TLN2: variants seen among roughly 807,000 people sequenced by gnomAD.
TLN2 encodes the protein talin 2.
Under a neutral mutation model 294.7 loss-of-function variants are expected in TLN2, and 118 were observed. The ratio of observed to expected loss-of-function variants is 0.40; its 90% CI spans 0.34 to 0.47. The LOEUF (loss-of-function observed/expected upper bound fraction) is 0.47. TLN2 is among the 20% of genes least tolerant of loss of function. The pLI, the probability that TLN2 is intolerant of heterozygous loss-of-function variation, is 0.84. For missense variants in TLN2, 3,083 were observed against 3,282.2 expected (o/e 0.94, Z 1.48); for synonymous variants, 1,431 against 1,304.5 (o/e 1.10, Z -2.09).
chr15:62,510,051 A>G (rs1477295231), intron 1 of TLN2, among the ~76,000 whole-genome samples: 1 of 152,228 alleles, frequency 6.6e-6, no homozygotes, highest in Non-Finnish European at 1.5e-5. Context: ...GACAATTGGG[A>G]TCTTCCCAGT....
intron 1 of TLN2, among the ~76,000 whole-genome samples, chr15:62,572,300 G>A (rs1183811088): frequency 6.6e-6 from 1 of 152,012 alleles, no homozygotes; most frequent in South Asian, 2.1e-4. Flanking sequence ...GAGTGCAGTG[G>A]CACAATCATG....
intron 37 of TLN2, among the ~76,000 whole-genome samples, chr15:62,757,289 C>A (rs927501901): frequency 6.6e-6 from 1 of 152,188 alleles, no homozygotes; most frequent in African/African-American, 2.4e-5. Context: ...GAGACGAAGT[C>A]ATCTCTCCAG....
intron 1 of TLN2, among the ~76,000 whole-genome samples, chr15:62,449,880 T>C (rs919696837): frequency 1.3e-5 from 2 of 152,208 alleles, no homozygotes; most frequent in African/African-American, 4.8e-5. Context: ...GAAAAGTGCA[T>C]GGTTCCATGA....
chr15:62,477,918 G>T, intron 1 of TLN2, among the ~76,000 whole-genome samples: 1 of 148,458 alleles, frequency 6.7e-6, no homozygotes, highest in Non-Finnish European at 1.5e-5. Flanking sequence ...GGGTGCAGCG[G>T]GGGCAGAGGG....
chr15:62,790,442 C>A (rs2064999623), intron 45 of TLN2, among the ~76,000 whole-genome samples: 1 of 152,218 alleles, frequency 6.6e-6, no homozygotes, highest in African/African-American at 2.4e-5. Context: ...TGGATTCTCA[C>A]CTAGTTTTGC....
At chr15:62,767,373 C>T (rs2063075775) in intron 41 of TLN2, among the ~76,000 whole-genome samples, 1 of 150,370 alleles carries the variant, frequency 6.7e-6, no homozygotes. Context: ...CAGAGCTTTG[C>T]TCTTGTTGCC....
intron 1 of TLN2, among the ~76,000 whole-genome samples, chr15:62,452,616 C>A (rs569271667): frequency 5.3e-5 from 8 of 152,246 alleles, no homozygotes; most frequent in African/African-American, 1.9e-4. Flanking sequence ...TCCCTCCAGC[C>A]CTTGGCAACC....
intron 1 of TLN2, among the ~76,000 whole-genome samples, chr15:62,504,842 TGTGTGAGAGA>T (rs926741793): frequency 4.9e-5 from 7 of 143,460 alleles, no homozygotes; most frequent in African/African-American, 1.1e-4. Context: ...TGTGTGTGTG[TGTGTGAGAGA>T]GAGAGAGAGA....
chr15:62,444,483 C>T (rs1227927994), intron 1 of TLN2, among the ~76,000 whole-genome samples: 7 of 152,244 alleles, frequency 4.6e-5, no homozygotes, highest in African/African-American at 1.7e-4. Flanking sequence ...ATAATGTAGA[C>T]TTTGAAGATT....
chr15:62,471,250 G>A (rs1254038403), intron 1 of TLN2, among the ~76,000 whole-genome samples: 1 of 152,118 alleles, frequency 6.6e-6, no homozygotes, highest in Non-Finnish European at 1.5e-5. Flanking sequence ...GAGGTGGGAG[G>A]ATCACTTGAG....
intron 2 of TLN2, among the ~76,000 whole-genome samples, chr15:62,605,018 A>C (rs961147858): frequency 2.6e-5 from 4 of 152,132 alleles, no homozygotes; most frequent in Non-Finnish European, 5.9e-5. Flanking sequence ...CTAACTGTTG[A>C]AAAAACAGTA....
intron 2 of TLN2, among the ~76,000 whole-genome samples, chr15:62,598,736 A>C (rs1471648858): frequency 6.6e-6 from 1 of 151,768 alleles, no homozygotes. Context: ...AGAGAAATGG[A>C]ATTTTCTCTC....
chr15:62,543,125 G>T (rs1426690123), intron 1 of TLN2, among the ~76,000 whole-genome samples: 3 of 152,194 alleles, frequency 2.0e-5, no homozygotes, highest in Admixed American at 1.3e-4. Flanking sequence ...GGATGGGCAT[G>T]TATTGCTCTC....
At chr15:62,525,915 A>G (rs1351477521) in intron 1 of TLN2, among the ~76,000 whole-genome samples, 3 of 152,096 alleles carry the variant, frequency 2.0e-5, no homozygotes, top group Non-Finnish European at 2.9e-5. Flanking sequence ...TGGGATCTAT[A>G]ACTCTGCCAC....
At chr15:62,475,933 G>T (rs1352019883) in intron 1 of TLN2, among the ~76,000 whole-genome samples, 1 of 152,238 alleles carries the variant, frequency 6.6e-6, no homozygotes, top group Non-Finnish European at 1.5e-5. Context: ...ACTTGATTCT[G>T]CAATTCTATT....
At chr15:62,444,681 A>C (rs2035727453) in intron 1 of TLN2, among the ~76,000 whole-genome samples, 1 of 152,222 alleles carries the variant, frequency 6.6e-6, no homozygotes, top group African/African-American at 2.4e-5. Flanking sequence ...TTTGCTTCTA[A>C]TTACTGGCTA....
At chr15:62,639,549 A>G (rs1217270263) in intron 3 of TLN2, among the ~76,000 whole-genome samples, 2 of 152,216 alleles carry the variant, frequency 1.3e-5, no homozygotes, top group African/African-American at 4.8e-5. Flanking sequence ...AGGGATTCTT[A>G]CATAAATGTT....
chr15:62,720,646 CAGGTGT>C (rs2060079273), intron 25 of TLN2, among the ~76,000 whole-genome samples: 3 of 85,288 alleles, frequency 3.5e-5, no homozygotes, highest in African/African-American at 7.1e-5. Flanking sequence ...ATATACAACA[CAGGTGT>C]GTGTGTGTGT....
chr15:62,705,111 C>T (rs1156313616), intron 19 of TLN2, among the ~76,000 whole-genome samples: 1 of 152,202 alleles, frequency 6.6e-6, no homozygotes, highest in South Asian at 2.1e-4. Context: ...GAATGTCAAC[C>T]CTGCTTCCTA....
Sources: gnomAD v4.1 joint callset for allele counts (sites outside exome capture counted in the v4.1 genomes callset) on GRCh38, gnomAD v4.1.1 for gene constraint, MANE v1.5 for transcripts, NCBI Gene and HGNC (gene_info 2026-07-23, HGNC 2026-07-21) for gene names.